PLEKHA5: variants seen among roughly 807,000 people sequenced by gnomAD.
PLEKHA5 encodes pleckstrin homology domain containing A5.
In PLEKHA5, 55 loss-of-function variants were observed where a neutral mutation model predicts 181.9. The observed-to-expected ratio is 0.30, with a 90% CI of 0.24 to 0.38. The LOEUF (loss-of-function observed/expected upper bound fraction) is 0.38, where lower values mean the gene tolerates loss of function less well. PLEKHA5 is among the 10% of genes least tolerant of loss of function. PLEKHA5 has a pLI of 1.00. For missense variants in PLEKHA5, 1,432 were observed against 1,549.5 expected (o/e 0.92, Z 1.27); for synonymous variants, 535 against 529.4 (o/e 1.01, Z -0.15).
At chr12:19,299,722 G>A (rs554341848) in intron 15 of PLEKHA5, among the ~76,000 whole-genome samples, 1 of 152,284 alleles carries the variant, frequency 6.6e-6, no homozygotes, top group Non-Finnish European at 1.5e-5. Context: ...CACAGTAAGA[G>A]GAGCTTGTAA....
At chr12:19,297,479 G>A (rs1241473328) in intron 15 of PLEKHA5, among the ~76,000 whole-genome samples, 2 of 150,904 alleles carry the variant, frequency 1.3e-5, no homozygotes, top group African/African-American at 2.4e-5. Context: ...AAAATTAGCC[G>A]GGCGCGGTGG....
At chr12:19,353,163 A>T (rs113036987) in intron 25 of PLEKHA5, among the ~76,000 whole-genome samples, 5 of 148,086 alleles carry the variant, frequency 3.4e-5, no homozygotes, top group East Asian at 4.1e-4. Flanking sequence ...TTATTTTTTT[A>T]TTTATTTTTG....
At chr12:19,273,021 C>T (rs1343662115) in intron 10 of PLEKHA5, among the ~76,000 whole-genome samples, 1 of 152,118 alleles carries the variant, frequency 6.6e-6, no homozygotes, top group Non-Finnish European at 1.5e-5. Context: ...ATTCTCCTGC[C>T]TCAGCCTCCC....
intron 1 of PLEKHA5, 51 bp downstream of exon 1, chr12:19,129,939 G>T: frequency 6.5e-7 from 1 of 1,533,268 alleles, no homozygotes; most frequent in Non-Finnish European, 8.9e-7. Context: ...AGGGCAGGAG[G>T]CGGGCGGCTG....
chr12:19,327,504 C>A (rs370901726), intron 20 of PLEKHA5, among the ~76,000 whole-genome samples: 1 of 151,830 alleles, frequency 6.6e-6, no homozygotes, highest in Non-Finnish European at 1.5e-5. Flanking sequence ...CAACCTTTGT[C>A]GGATGGGTAG....
Position 19,272,467 on chromosome 12 carries a change from G to A in PLEKHA5, c.846-2049G>A, listed in dbSNP as rs1009258688. On this transcript the variant is annotated intron_variant, in intron 10 of 31. Transcript: ENST00000429027. Reference sequence around the variant, plus strand: ...AAAATAATAGCTTTAGGCTGAGCACGGTGGCTCACGCTTGTAACCCCAATA... The same window carrying A: ...AAAATAATAGCTTTAGGCTGAGCACAGTGGCTCACGCTTGTAACCCCAATA... 3.9e-5 allele frequency among the ~76,000 whole-genome samples: 6 copies of A among 152,176 alleles called. No individual in the cohort carries two copies. In the East Asian group the frequency reaches 9.7e-4, roughly 25 times the overall value.
intron 3 of PLEKHA5, chr12:19,200,564 A>G (rs1432135112): frequency 1.6e-6 from 2 of 1,268,886 alleles, no homozygotes; most frequent in South Asian, 2.6e-5. Context: ...CCTCATTCCT[A>G]GTAGATCATA....
rs550040239 is a variant in PLEKHA5, at chr12:19,313,578, G to T, written c.2038-1236G>T. Among the ~76,000 whole-genome samples the T allele has an allele frequency of 4.6e-5, 7 of 151,998 alleles. No individual in the cohort carries two copies. The East Asian group carries it at 1.4e-3, about 29-fold the overall frequency. On this transcript the variant is annotated intron_variant, in intron 15 of 31. Coordinates refer to ENST00000429027, the MANE Select transcript of PLEKHA5 (RefSeq NM_001256470.2). ...AGTCGTTGATGTATAACTAAAATTT[G>T]TCAATTTATTCTTCAGTGAAGTTTT...
Position 19,132,320 on chromosome 12 carries a change from A to G in PLEKHA5, c.170-73A>G. Reference sequence around the variant, plus strand: ...TAAAACAGCTAATAAATGAAAATGGATAATTAAAATGGATTGAGACTTATT... The same window carrying G: ...TAAAACAGCTAATAAATGAAAATGGGTAATTAAAATGGATTGAGACTTATT... On this transcript the variant is annotated intron_variant, in intron 2 of 31. Transcript: ENST00000429027. 8 of 796,196 alleles carry G rather than the reference A, an allele frequency of 1.0e-5. No homozygotes were observed. The South Asian group carries it at 1.0e-4, about 10-fold the overall frequency. 49.3% of individuals were successfully genotyped at this position (796,196 alleles called of 1,614,324 possible).
chr12:19,318,946 A>G (rs993807385), intron 16 of PLEKHA5, among the ~76,000 whole-genome samples: 8 of 152,174 alleles, frequency 5.3e-5, no homozygotes, highest in South Asian at 4.1e-4. Flanking sequence ...TAAGCAAACT[A>G]TATTTGAACA....
chr12:19,264,785 A>C (rs932467278), intron 7 of PLEKHA5, among the ~76,000 whole-genome samples: 6 of 20,550 alleles, frequency 2.9e-4, no homozygotes, highest in African/African-American at 3.8e-4. Flanking sequence ...TAATTAGGAA[A>C]AACAAAAAAG....
intron 2 of PLEKHA5, among the ~76,000 whole-genome samples, chr12:19,131,828 A>G (rs1418152418): frequency 6.6e-6 from 1 of 152,214 alleles, no homozygotes; most frequent in African/African-American, 2.4e-5. Context: ...CACCTGAATC[A>G]TCCCCAACTT....
chr12:19,344,512 GTTTT>G (rs1216333551), intron 22 of PLEKHA5, among the ~76,000 whole-genome samples: 1 of 152,212 alleles, frequency 6.6e-6, no homozygotes, highest in African/African-American at 2.4e-5. Context: ...TGTTTCCAGA[GTTTT>G]TTATGAATGC....
At chr12:19,160,612 C>T (rs1256107585) in intron 3 of PLEKHA5, among the ~76,000 whole-genome samples, 1 of 152,010 alleles carries the variant, frequency 6.6e-6, no homozygotes, top group East Asian at 1.9e-4. Flanking sequence ...TTCACACATT[C>T]ATAACTTGAT....
At position 19,266,928 on chromosome 12, in the gene PLEKHA5, G is replaced by A. The variant is rs568814163; in HGVS notation, c.711+1078G>A. Among the ~76,000 whole-genome samples, 4 of 151,996 alleles carry A rather than the reference G, an allele frequency of 2.6e-5. No individual in the cohort carries two copies. In the East Asian group the frequency reaches 5.8e-4, roughly 22 times the overall value. ...TGGGTCTAAGTACATCATGATCATC[G>A]GGTACTTTACAGAGAACACTGAAGT... On this transcript the variant is annotated intron_variant, in intron 8 of 31. Transcript: ENST00000429027.
chr12:19,321,247 T>G (rs2153040449), intron 18 of PLEKHA5, among the ~76,000 whole-genome samples: 1 of 152,074 alleles, frequency 6.6e-6, no homozygotes, highest in African/African-American at 2.4e-5. Flanking sequence ...CTTTAGAAAT[T>G]TTATCACTAC....
chr12:19,273,119 G>A (rs926192100), intron 10 of PLEKHA5, among the ~76,000 whole-genome samples: 2 of 151,990 alleles, frequency 1.3e-5, no homozygotes, highest in African/African-American at 4.8e-5. Flanking sequence ...ATTTTGGCCC[G>A]GCTGGTCTCA....
intron 7 of PLEKHA5, among the ~76,000 whole-genome samples, chr12:19,263,341 G>A (rs529076181): frequency 6.6e-6 from 1 of 152,184 alleles, no homozygotes; most frequent in South Asian, 2.1e-4. Flanking sequence ...CTCACAATTC[G>A]CAAGTGGCAC....
chr12:19,176,820 G>A (rs780508579), intron 3 of PLEKHA5, among the ~76,000 whole-genome samples: 20 of 151,908 alleles, frequency 1.3e-4, no homozygotes, highest in Admixed American at 6.5e-5. Flanking sequence ...TATACACTGT[G>A]GAATGGCCAG....
Sources: gnomAD v4.1 joint callset for allele counts (sites outside exome capture counted in the v4.1 genomes callset) on GRCh38, gnomAD v4.1.1 for gene constraint, MANE v1.5 for transcripts, NCBI Gene and HGNC (gene_info 2026-07-23, HGNC 2026-07-21) for gene names.